GRAMD1B: variants seen among roughly 807,000 people sequenced by gnomAD.
GRAMD1B encodes protein Aster-B.
GRAMD1B carries 37 observed loss-of-function variants against 99.7 expected under a neutral mutation model. The ratio of observed to expected loss-of-function variants is 0.37; its 90% CI spans 0.29 to 0.49. The LOEUF (loss-of-function observed/expected upper bound fraction) is 0.49. Among genes scored for constraint, GRAMD1B ranks in the 20% least tolerant of loss-of-function variants. The pLI is 0.98. For synonymous variants in GRAMD1B, 427 were observed against 387.6 expected (o/e 1.10, Z -1.19); for missense variants, 888 against 1,009.2 (o/e 0.88, Z 1.63).
At chr11:123,548,994 C>G (rs570919129) in intron 2 of GRAMD1B, among the ~76,000 whole-genome samples, 44 of 152,312 alleles carry the variant, frequency 2.9e-4, no homozygotes, top group Non-Finnish European at 4.9e-4. Flanking sequence ...CCTCCCACCC[C>G]CTCATGGCAG....
intron 2 of GRAMD1B, chr11:123,560,307 AAGGGAGCCAGGCAGAGAGAGAG>A (rs1946596245): frequency 1.7e-6 from 2 of 1,145,408 alleles, no homozygotes; most frequent in Middle Eastern, 4.1e-4. Flanking sequence ...GAGAGAGAGA[AAGGGAGCCAGGCAGAGAGAGAG>A]AGGGACTTCT....
intron 1 of GRAMD1B, among the ~76,000 whole-genome samples, chr11:123,422,762 C>G: frequency 6.6e-6 from 1 of 152,156 alleles, no homozygotes; most frequent in East Asian, 1.9e-4. Flanking sequence ...AAATATGACC[C>G]CCTTGTTCAA....
At chr11:123,404,144 G>T (rs542779830) in intron 1 of GRAMD1B, among the ~76,000 whole-genome samples, 1 of 152,116 alleles carries the variant, frequency 6.6e-6, no homozygotes, top group South Asian at 2.1e-4. Flanking sequence ...ATCTGCCTAG[G>T]TCTAATCTTT....
Position 123,613,557 on chromosome 11 carries a change from G to C in GRAMD1B, c.2126G>C (p.Arg709Pro), listed in dbSNP as rs768451724. ...SKTTTVRRRK[R>P]PHAHLRVPHL... ...ACTACAACGGTGCGGAGGAGGAAGC[G>C]TCCCCATGCCCACCTGCGAGTCCCT... is the stretch of plus-strand genomic sequence containing the variant. Residue 709 changes from arginine (R) to proline (P), a missense_variant, in exon 16 of 20, where the codon CGT (arginine) becomes CCT (proline). Coordinates refer to ENST00000635736, the MANE Select transcript of GRAMD1B (RefSeq NM_001387025.1). 6.2e-7 allele frequency: 1 copy of C among 1,613,688 alleles called. No individual in the cohort carries two copies. Among genetic ancestry groups the C allele is most frequent in the Non-Finnish European group, 8.5e-7 (1 of 1,179,738 alleles).
At chr11:123,583,330 A>G (rs1413836980) in intron 3 of GRAMD1B, among the ~76,000 whole-genome samples, 1 of 138,330 alleles carries the variant, frequency 7.2e-6, no homozygotes, top group Non-Finnish European at 1.5e-5. Flanking sequence ...ATGTGTGTGC[A>G]TGTGTGTGGT....
chr11:123,575,664 C>T (rs1381811825), intron 2 of GRAMD1B, among the ~76,000 whole-genome samples: 2 of 152,200 alleles, frequency 1.3e-5, no homozygotes, highest in Admixed American at 1.3e-4. Flanking sequence ...GCTCTCCACG[C>T]TTCCCCAGGG....
At chr11:123,420,219 C>A (rs1948381564) in intron 1 of GRAMD1B, among the ~76,000 whole-genome samples, 1 of 152,146 alleles carries the variant, frequency 6.6e-6, no homozygotes, top group Admixed American at 6.5e-5. Flanking sequence ...CAGTTTTCTC[C>A]TCTGCGGTCC....
intron 5 of GRAMD1B, 138 bp from the exon 6 acceptor site, chr11:123,594,597 C>A (rs1332866670): frequency 3.2e-6 from 2 of 628,628 alleles, no homozygotes; most frequent in East Asian, 2.7e-5. Flanking sequence ...GCTGCTAGTT[C>A]AAGTGTCTGG....
At chr11:123,358,536 C>A (rs898041447) in exon 1 of GRAMD1B, 1 of 152,120 alleles carries the variant, frequency 6.6e-6, no homozygotes, top group East Asian at 1.9e-4. Context: ...CCGGCCGTCC[C>A]GGCTCCGAGG....
Position 123,593,209 on chromosome 11 carries a change from G to T in GRAMD1B, c.685-873G>T, listed in dbSNP as rs1950872293. On this transcript the variant is annotated intron_variant, in intron 4 of 19. Coordinates refer to ENST00000635736, the MANE Select transcript of GRAMD1B (RefSeq NM_001387025.1). ...ATCACACCACTGCACTCCAGCCTGG[G>T]TGACAGAGCGAGACTCTGTCTAAAC... is the stretch of plus-strand genomic sequence containing the variant. Among the ~76,000 whole-genome samples, 8 of 151,984 alleles carry T rather than the reference G, an allele frequency of 5.3e-5. No homozygotes were observed. In the South Asian group the frequency reaches 1.7e-3, roughly 32 times the overall value.
intron 17 of GRAMD1B, among the ~76,000 whole-genome samples, chr11:123,617,795 T>C (rs1471609109): frequency 6.6e-6 from 1 of 152,200 alleles, no homozygotes; most frequent in East Asian, 1.9e-4. Context: ...GAGCTTGTTA[T>C]ACAGTGAGTT....
At position 123,603,496 on chromosome 11, in the gene GRAMD1B, A is replaced by G; in HGVS notation, c.1121A>G (p.Asp374Gly). Residue 374 changes from aspartate to glycine, a missense_variant, in exon 9 of 20, where the codon GAT becomes GGT. By Grantham distance (94) the Asp-to-Gly change is moderately conservative. Transcript: ENST00000635736. ...CYGNELGLTS[D>G]DEDYVPPDDD... ...GGGAACGAATTGGGCCTGACCAGTG[A>G]TGACGAGGACTACGTGCCCCCTGAC... The G allele has an allele frequency of 6.2e-7, 1 of 1,613,790 alleles. No individual in the cohort carries two copies. Among genetic ancestry groups the G allele is most frequent in the Non-Finnish European group, 8.5e-7 (1 of 1,179,656 alleles).
chr11:123,498,911 C>T (rs1939580715), intron 2 of GRAMD1B, among the ~76,000 whole-genome samples: 1 of 152,094 alleles, frequency 6.6e-6, no homozygotes, highest in South Asian at 2.1e-4. Flanking sequence ...TGCTCTTTCT[C>T]GAAAAGCAGT....
rs1178349485 is a variant in GRAMD1B, at chr11:123,396,200, CT to C, written c.-176+37413del. 2.7e-3 allele frequency among the ~76,000 whole-genome samples: 348 copies of C among 128,994 alleles called. 2 individuals are homozygous for C. The highest frequency in any genetic ancestry group is 6.6e-3 in the African/African-American group (240 of 36,278). The allele number at this position is 128,994 out of a possible 152,430, so 84.6% of individuals were successfully genotyped here. A position where few individuals can be genotyped will look rare whatever the true frequency, so the allele number is the denominator to read the frequency against. On this transcript the variant is annotated intron_variant, in intron 1 of 20. Transcript: ENST00000638157. ...TTTCTTTTTTCTTTTCTTTTCTTTC[CT>C]TTTTTTTTTTTAGATGGAAAAGTCC... is the stretch of plus-strand genomic sequence containing the variant.
intron 2 of GRAMD1B, among the ~76,000 whole-genome samples, chr11:123,511,818 A>C (rs1410037816): frequency 6.6e-6 from 1 of 152,174 alleles, no homozygotes; most frequent in Non-Finnish European, 1.5e-5. Context: ...CAGTGGTTAG[A>C]ACATGTCTCT....
intron 2 of GRAMD1B, among the ~76,000 whole-genome samples, chr11:123,542,271 T>C (rs1375216577): frequency 1.3e-5 from 2 of 152,224 alleles, no homozygotes; most frequent in African/African-American, 4.8e-5. Context: ...CTGAGGATAA[T>C]GTAAGATAGC....
chr11:123,413,147 A>T (rs1948111351), intron 1 of GRAMD1B, among the ~76,000 whole-genome samples: 1 of 151,810 alleles, frequency 6.6e-6, no homozygotes, highest in East Asian at 1.9e-4. Flanking sequence ...CTTGAGTATT[A>T]CCTCCCTGGA....
At chr11:123,526,175 A>G (rs756202292) in intron 2 of GRAMD1B, 33 of 1,612,492 alleles carry the variant, frequency 2.0e-5, no homozygotes, top group Non-Finnish European at 2.8e-5. Context: ...TCTCCTGGTA[A>G]GTAGAGGAGG....
At chr11:123,538,146 A>G (rs1035530625) in intron 2 of GRAMD1B, among the ~76,000 whole-genome samples, 2 of 152,042 alleles carry the variant, frequency 1.3e-5, no homozygotes, top group African/African-American at 4.8e-5. Context: ...TGAAAAACAT[A>G]TTTATAACTA....
Sources: gnomAD v4.1 joint callset for allele counts (sites outside exome capture counted in the v4.1 genomes callset) on GRCh38, gnomAD v4.1.1 for gene constraint, MANE v1.5 for transcripts, NCBI Gene and HGNC (gene_info 2026-07-23, HGNC 2026-07-21) for gene names.